Variants in SOX5 observed in about 807,000 individuals in gnomAD.
The protein encoded by SOX5 is SRY-box transcription factor 5, also known as transcription factor SOX-5.
SOX5 carries 9 observed loss-of-function variants against 92.0 expected under a neutral mutation model. The ratio of observed to expected loss-of-function variants is 0.10; its 90% CI spans 0.06 to 0.17. The LOEUF (loss-of-function observed/expected upper bound fraction) is 0.17. SOX5 is among the 10% of genes least tolerant of loss of function. SOX5 has a pLI of 1.00. For synonymous variants in SOX5, 344 were observed against 336.3 expected, an observed-to-expected ratio of 1.02 and a Z score of -0.25; for missense variants, 642 against 944.5, an observed-to-expected ratio of 0.68 and a Z score of 4.20.
chr12:24,072,854 A>G (rs1322448301), intron 4 of SOX5, among the ~76,000 whole-genome samples: 1 of 152,224 alleles, frequency 6.6e-6, no homozygotes, highest in African/African-American at 2.4e-5. Flanking sequence ...GACATTTACT[A>G]TAATTTAAAT....
At chr12:24,521,056 AT>A (rs528826804) in intron 1 of SOX5, among the ~76,000 whole-genome samples, 2,187 of 150,860 alleles carry the variant, frequency 0.014, 38 homozygotes, top group Non-Finnish European at 0.024. Flanking sequence ...CAATAGTAGA[AT>A]TTTTTTTTTC....
At chr12:24,266,623 T>C (rs1943054324) in intron 3 of SOX5, among the ~76,000 whole-genome samples, 1 of 152,206 alleles carries the variant, frequency 6.6e-6, no homozygotes, top group Non-Finnish European at 1.5e-5. Flanking sequence ...CTTCCTCCTA[T>C]TAACTGAATA....
At chr12:24,172,382 T>A (rs1956647921) in intron 4 of SOX5, among the ~76,000 whole-genome samples, 1 of 151,756 alleles carries the variant, frequency 6.6e-6, no homozygotes, top group African/African-American at 2.4e-5. Context: ...CCAAAAAAAC[T>A]ACAAAAATAA....
At chr12:24,294,583 T>A (rs7138753) in intron 2 of SOX5, among the ~76,000 whole-genome samples, 1 of 152,162 alleles carries the variant, frequency 6.6e-6, no homozygotes, top group African/African-American at 2.4e-5. Context: ...ATGTGGTACA[T>A]GGAATGGAGT....
At chr12:24,139,420 A>G (rs1950376409) in intron 4 of SOX5, among the ~76,000 whole-genome samples, 1 of 152,200 alleles carries the variant, frequency 6.6e-6, no homozygotes, top group Admixed American at 6.5e-5. Context: ...ACAGGATGGA[A>G]AAATGGAAAA....
intron 1 of SOX5, among the ~76,000 whole-genome samples, chr12:24,521,181 A>T (rs1229587338): frequency 6.6e-6 from 1 of 152,086 alleles, no homozygotes; most frequent in East Asian, 1.9e-4. Flanking sequence ...CAGCCTCCCA[A>T]GTAGCTGGGA....
At chr12:23,951,592 C>T (rs1025703186), upstream of SOX5, among the ~76,000 whole-genome samples, 3 of 151,962 alleles carry the variant, frequency 2.0e-5, no homozygotes, top group African/African-American at 7.3e-5. Flanking sequence ...AATTTTTAGA[C>T]AAGTTGATAA....
At chr12:23,693,560 T>C (rs2089282061) in intron 6 of SOX5, among the ~76,000 whole-genome samples, 1 of 152,214 alleles carries the variant, frequency 6.6e-6, no homozygotes, top group South Asian at 2.1e-4. Flanking sequence ...AAATGCTTTT[T>C]TCTTACTCTG....
intron 3 of SOX5, among the ~76,000 whole-genome samples, chr12:23,802,488 G>A (rs752725365): frequency 1.3e-5 from 2 of 151,388 alleles, no homozygotes; most frequent in African/African-American, 2.4e-5. Flanking sequence ...CATCCCATTC[G>A]TTGTAATTTT....
At chr12:24,394,635 A>C (rs1333455996) in intron 1 of SOX5, among the ~76,000 whole-genome samples, 1 of 152,230 alleles carries the variant, frequency 6.6e-6, no homozygotes, top group Non-Finnish European at 1.5e-5. Flanking sequence ...ATTTGTACAA[A>C]TATCCATATC....
chr12:23,997,313 T>C (rs1951124314), intron 4 of SOX5, among the ~76,000 whole-genome samples: 1 of 152,138 alleles, frequency 6.6e-6, no homozygotes, highest in African/African-American at 2.4e-5. Flanking sequence ...AAGAAATAAT[T>C]TGGAGCTAAG....
intron 4 of SOX5, among the ~76,000 whole-genome samples, chr12:23,963,733 G>A (rs1307093147): frequency 1.6e-5 from 2 of 128,420 alleles, no homozygotes; most frequent in African/African-American, 5.9e-5. Context: ...CCTGAGTCTA[G>A]TATACATGCA....
In SOX5 at chr12:24,103,260, A is replaced by C. The variant is rs146975587; in HGVS notation, c.-2+110083T>G. Among the ~76,000 whole-genome samples the C allele has an allele frequency of 5.1e-3, 776 of 152,304 alleles. 14 individuals carry two copies. Among genetic ancestry groups the C allele is most frequent in the African/African-American group, 0.017 (724 of 41,562 alleles). On this transcript the variant is annotated intron_variant, in intron 4 of 4. Transcript: ENST00000446891. Reference sequence around the variant, plus strand: ...GAGCAGCCAATTTTTGTTTAAGAAAAGGCTAAAATCTTAGCTTTACATTTT... The same window carrying C: ...GAGCAGCCAATTTTTGTTTAAGAAACGGCTAAAATCTTAGCTTTACATTTT...
intron 4 of SOX5, among the ~76,000 whole-genome samples, chr12:24,119,268 C>CAA (rs535877572): frequency 6.6e-6 from 1 of 151,992 alleles, no homozygotes; most frequent in South Asian, 2.1e-4. Flanking sequence ...TCAGAGCGAA[C>CAA]AAAACATTGA....
At chr12:24,119,422 A>C (rs1326116642) in intron 4 of SOX5, among the ~76,000 whole-genome samples, 3 of 152,098 alleles carry the variant, frequency 2.0e-5, no homozygotes, top group African/African-American at 7.2e-5. Flanking sequence ...TTGAGGCTAC[A>C]TTTTACTTTT....
chr12:24,297,697 T>G (rs186538976), intron 2 of SOX5, among the ~76,000 whole-genome samples: 4 of 152,180 alleles, frequency 2.6e-5, no homozygotes, highest in African/African-American at 9.7e-5. Flanking sequence ...TACTGCACTA[T>G]GGAAACGCAG....
At chr12:24,003,635 T>C (rs186127374) in intron 4 of SOX5, among the ~76,000 whole-genome samples, 7 of 152,062 alleles carry the variant, frequency 4.6e-5, no homozygotes, top group Admixed American at 4.6e-4. Flanking sequence ...ACCAAATCAC[T>C]GAGAGAAATT....
intron 4 of SOX5, among the ~76,000 whole-genome samples, chr12:24,054,261 C>T (rs1957880525): frequency 6.6e-6 from 1 of 152,178 alleles, no homozygotes; most frequent in Non-Finnish European, 1.5e-5. Context: ...CTTCTCCTCC[C>T]TCCCCTTCAC....
At chr12:24,005,756 G>A (rs949053986) in intron 4 of SOX5, among the ~76,000 whole-genome samples, 2 of 152,142 alleles carry the variant, frequency 1.3e-5, no homozygotes, top group African/African-American at 4.8e-5. Flanking sequence ...TGATGTCACA[G>A]ATACAGCTGT....
Sources: allele counts gnomAD v4.1 joint callset (sites outside exome capture counted in the v4.1 genomes callset), GRCh38; gene constraint gnomAD v4.1.1; transcripts MANE v1.5; gene names NCBI Gene and HGNC (gene_info 2026-07-23, HGNC 2026-07-21).